The following ANK2 variants were observed in gnomAD, a reference collection of about 807,000 sequenced individuals.
The protein encoded by ANK2 is ankyrin-2.
A neutral mutation model predicts 360.5 loss-of-function variants in ANK2; 83 were observed. The ratio of observed to expected loss-of-function variants is 0.23; its 90% CI spans 0.19 to 0.28. The LOEUF (loss-of-function observed/expected upper bound fraction) is 0.28, where lower values mean the gene tolerates loss of function less well. Ranked by LOEUF, ANK2 falls within the 10% of genes least tolerant of loss-of-function variation. The pLI is 1.00. For synonymous variants in ANK2, 1,740 were observed against 1,759.5 expected (o/e 0.99, Z 0.28); for missense variants, 4,201 against 4,795.7 (o/e 0.88, Z 3.66).
chr4:112,745,752 C>T, the ANK2 span, among the ~76,000 whole-genome samples: 10 of 152,020 alleles, frequency 6.6e-5, no homozygotes, highest in Non-Finnish European at 2.9e-5. Context: ...AGGCTGGTCT[C>T]GAACTCCTGA....
chr4:113,123,090 A>G (rs2095464704), intron 1 of ANK2, among the ~76,000 whole-genome samples: 1 of 151,886 alleles, frequency 6.6e-6, no homozygotes, highest in Non-Finnish European at 1.5e-5. Flanking sequence ...TTAATTGAAA[A>G]AAGCTACTAT....
chr4:113,360,609 A>G (rs924258750), intron 38 of ANK2, among the ~76,000 whole-genome samples: 1 of 152,208 alleles, frequency 6.6e-6, no homozygotes, highest in African/African-American at 2.4e-5. Context: ...TCTTGATTAA[A>G]GAGATATGGA....
chr4:112,862,786 T>A (rs184028639), intron 1 of ANK2, among the ~76,000 whole-genome samples: 3 of 152,230 alleles, frequency 2.0e-5, no homozygotes, highest in Non-Finnish European at 4.4e-5. Context: ...TTAAGCTGGG[T>A]GTGCATGCAC....
Position 112,982,823 on chromosome 4 carries a change from T to A in ANK2, c.21+78309T>A, listed in dbSNP as rs550701142. 8.7e-4 allele frequency among the ~76,000 whole-genome samples: 133 copies of A among 152,262 alleles called. 2 individuals carry two copies. In the Middle Eastern group the frequency reaches 0.014, roughly 16 times the overall value. ...TTTCAGTTAAGCGATTCTAAAAAAATCCCATAATTTAGTATACATTTTGTG... is the reference window on the plus strand; with the variant it reads ...TTTCAGTTAAGCGATTCTAAAAAAAACCCATAATTTAGTATACATTTTGTG... On this transcript the variant is annotated intron_variant, in intron 2 of 30. Coordinates refer to the ANK2 transcript ENST00000503271.
chr4:113,021,890 G>T (rs928827056), intron 2 of ANK2, among the ~76,000 whole-genome samples: 4 of 152,084 alleles, frequency 2.6e-5, no homozygotes, highest in African/African-American at 9.7e-5. Flanking sequence ...CGAAAGTAAT[G>T]CTTAAAGAGC....
chr4:113,248,370 A>G (rs1011979489), intron 9 of ANK2, among the ~76,000 whole-genome samples: 1 of 152,114 alleles, frequency 6.6e-6, no homozygotes, highest in African/African-American at 2.4e-5. Context: ...AGACCCCCAG[A>G]ACTTCAAAGG....
At chr4:113,265,267 T>G (rs1415956957) in intron 14 of ANK2, among the ~76,000 whole-genome samples, 2 of 152,244 alleles carry the variant, frequency 1.3e-5, no homozygotes, top group Non-Finnish European at 2.9e-5. Context: ...TTAATACTGT[T>G]TTAACCTCGG....
chr4:113,159,571 A>C (rs1163528111), intron 1 of ANK2, among the ~76,000 whole-genome samples: 2 of 151,854 alleles, frequency 1.3e-5, no homozygotes, highest in Non-Finnish European at 2.9e-5. Flanking sequence ...CTTTTTCCTC[A>C]CAGAGAAGAG....
chr4:112,741,016 A>G, the ANK2 span, among the ~76,000 whole-genome samples: 3 of 151,328 alleles, frequency 2.0e-5, no homozygotes, highest in Admixed American at 1.3e-4. Flanking sequence ...TTTTTTAGGA[A>G]CAGAGATCTC....
intron 1 of ANK2, among the ~76,000 whole-genome samples, chr4:113,060,037 G>A (rs972255165): frequency 6.6e-6 from 1 of 152,086 alleles, no homozygotes; most frequent in Admixed American, 6.6e-5. Flanking sequence ...TTAACACACT[G>A]CGATTATCCC....
chr4:113,317,944 A>T, intron 25 of ANK2, 135 bp downstream of exon 25: 1 of 792,870 alleles, frequency 1.3e-6, no homozygotes, highest in Non-Finnish European at 2.1e-6. Flanking sequence ...AGGATAAGAG[A>T]TTTGAGGGTT....
chr4:113,338,405 C>A (rs903066087), intron 31 of ANK2, among the ~76,000 whole-genome samples: 1 of 152,010 alleles, frequency 6.6e-6, no homozygotes, highest in Non-Finnish European at 1.5e-5. Flanking sequence ...TTTTCATTTA[C>A]CTTGCAATAT....
At chr4:113,218,165 C>A (rs972402043) in intron 4 of ANK2, among the ~76,000 whole-genome samples, 1 of 152,116 alleles carries the variant, frequency 6.6e-6, no homozygotes, top group African/African-American at 2.4e-5. Context: ...AATGCTCTAA[C>A]CTTTACTGGT....
intron 2 of ANK2, among the ~76,000 whole-genome samples, chr4:112,967,541 A>T (rs2037774859): frequency 6.6e-6 from 1 of 152,242 alleles, no homozygotes; most frequent in African/African-American, 2.4e-5. Flanking sequence ...TATCTTTTAA[A>T]AAAATCTGTG....
intron 1 of ANK2, among the ~76,000 whole-genome samples, chr4:112,835,460 T>A (rs925627066): frequency 6.6e-6 from 1 of 152,168 alleles, no homozygotes; most frequent in Middle Eastern, 3.2e-3. Flanking sequence ...AACTATATAA[T>A]TTTATAGTTA....
At chr4:113,259,051 A>G (rs557365313) in intron 13 of ANK2, among the ~76,000 whole-genome samples, 61 of 152,342 alleles carry the variant, frequency 4.0e-4, no homozygotes, top group Middle Eastern at 3.4e-3. Context: ...CTTTCATTCA[A>G]TCAACAAGTA....
At chr4:112,878,737 C>T (rs2075886381) in intron 1 of ANK2, among the ~76,000 whole-genome samples, 2 of 152,016 alleles carry the variant, frequency 1.3e-5, no homozygotes, top group Non-Finnish European at 2.9e-5. Context: ...GTGTTCACGC[C>T]ATTTTCCTGC....
chr4:112,957,603 G>A (rs2030193047), intron 2 of ANK2, among the ~76,000 whole-genome samples: 2 of 148,340 alleles, frequency 1.3e-5, no homozygotes, highest in East Asian at 2.0e-4. Flanking sequence ...GGGCAGAGGC[G>A]CCCCTCACCT....
chr4:112,914,946 A>G (rs2089225372), intron 2 of ANK2, among the ~76,000 whole-genome samples: 1 of 152,234 alleles, frequency 6.6e-6, no homozygotes, highest in Non-Finnish European at 1.5e-5. Flanking sequence ...GGAAAGCTTA[A>G]TGCAGCAAAG....
Sources: gnomAD v4.1 joint callset for allele counts (sites outside exome capture counted in the v4.1 genomes callset) on GRCh38, gnomAD v4.1.1 for gene constraint, MANE v1.5 for transcripts, NCBI Gene and HGNC (gene_info 2026-07-23, HGNC 2026-07-21) for gene names.